The following CDCP2 variants were observed in gnomAD, a reference collection of about 807,000 sequenced individuals.
CDCP2 encodes the protein CUB domain-containing protein 2.
A neutral mutation model predicts 31.0 loss-of-function variants in CDCP2; 31 were observed. The ratio of observed to expected loss-of-function variants is 1.00; its 90% CI spans 0.75 to 1.35. The LOEUF is 1.35. Among genes scored for constraint, CDCP2 ranks in the 40% most tolerant of loss-of-function variants. The pLI is 0.00. For synonymous variants in CDCP2, 206 were observed against 207.9 expected, an observed-to-expected ratio of 0.99 and a Z score of 0.08; for missense variants, 443 against 482.6, an observed-to-expected ratio of 0.92 and a Z score of 0.77.
chr1:54,139,813 G>A, exon 4 of CDCP2: 3 of 1,614,218 alleles, frequency 1.9e-6, no homozygotes, highest in Non-Finnish European at 2.5e-6. Flanking sequence ...TGCAGCAGAA[G>A]CAGAAGCTGG....
At chr1:54,146,819 C>A (rs753638478) in intron 1 of CDCP2, among the ~76,000 whole-genome samples, 4 of 151,652 alleles carry the variant, frequency 2.6e-5, no homozygotes, top group Admixed American at 1.3e-4. Flanking sequence ...CCTGGCCAGG[C>A]GCAGTGGCTC....
chr1:54,143,525 G>C (rs1464882391), intron 2 of CDCP2: 1 of 151,762 alleles, frequency 6.6e-6, no homozygotes, highest in African/African-American at 2.4e-5. Context: ...ATGGTATTAA[G>C]ACTTTGATAT....
At chr1:54,141,416 G>C in exon 3 of CDCP2, 1 of 1,608,524 alleles carries the variant, frequency 6.2e-7, no homozygotes, top group Non-Finnish European at 8.5e-7. Flanking sequence ...AGGCCAGTCA[G>C]GACGCCGCCA....
At chr1:54,148,682 C>A (rs899935101) in intron 1 of CDCP2, among the ~76,000 whole-genome samples, 5 of 151,378 alleles carry the variant, frequency 3.3e-5, no homozygotes, top group African/African-American at 9.8e-5. Context: ...AGATAAATGA[C>A]GCTGGGGCTT....
exon 3 of CDCP2, chr1:54,141,399 C>A (rs1570063556): frequency 6.2e-7 from 1 of 1,612,336 alleles, no homozygotes. Context: ...TGGTGAGGAC[C>A]CCTGACAGGC....
At chr1:54,149,933 T>C (rs1223603683) in intron 1 of CDCP2, among the ~76,000 whole-genome samples, 1 of 152,220 alleles carries the variant, frequency 6.6e-6, no homozygotes, top group Non-Finnish European at 1.5e-5. Context: ...GAAAGGGAAG[T>C]CACTTGTTGT....
exon 2 of CDCP2, chr1:54,144,642 C>T (rs1315264980): frequency 6.2e-7 from 1 of 1,613,382 alleles, no homozygotes; most frequent in East Asian, 2.2e-5. Context: ...AAAGTCGAAG[C>T]TGCAGGTGTC....
chr1:54,140,939 T>C (rs771737924), intron 3 of CDCP2, 159 bp downstream of exon 3: 12 of 535,898 alleles, frequency 2.2e-5, no homozygotes, highest in South Asian at 5.2e-5. Context: ...GCTTATGTCT[T>C]GGCATAGGCC....
chr1:54,137,692 T>TGTGTGTGTGTGTGTGTGTGTGC (rs60839953), intron 4 of CDCP2: 27,036 of 145,966 alleles, frequency 0.19, 2,740 homozygotes, highest in East Asian at 0.31. Context: ...TGCGTGTGTG[T>TGTGTGTGTGTGTGTGTGTGTGC]GTGTGTGTGT....
chr1:54,150,421 C>A (rs1023685291), intron 1 of CDCP2, among the ~76,000 whole-genome samples: 5 of 152,010 alleles, frequency 3.3e-5, no homozygotes, highest in Non-Finnish European at 7.4e-5. Context: ...ATGGTGAAGC[C>A]CTGTCTCTAC....
chr1:54,148,416 A>AG (rs1312885447), intron 1 of CDCP2, among the ~76,000 whole-genome samples: 1 of 151,550 alleles, frequency 6.6e-6, no homozygotes, highest in Non-Finnish European at 1.5e-5. Context: ...TGAAAAAAAA[A>AG]AAACTGAAAA....
chr1:54,133,159 A>C, exon 6 of CDCP2: 1 of 399,120 alleles, frequency 2.5e-6, no homozygotes, highest in African/African-American at 2.1e-5. Context: ...AGCCAGTGAG[A>C]GCCAGACAGC....
chr1:54,146,011 T>C (rs905998207), intron 1 of CDCP2, among the ~76,000 whole-genome samples: 1 of 152,170 alleles, frequency 6.6e-6, no homozygotes, highest in Non-Finnish European at 1.5e-5. Context: ...TAGTGGGATA[T>C]ATCTCAAGGA....
chr1:54,152,461 C>A (rs1355707493), intron 1 of CDCP2, among the ~76,000 whole-genome samples: 52 of 143,022 alleles, frequency 3.6e-4, no homozygotes, highest in South Asian at 4.5e-4. Flanking sequence ...AAGACTGTCT[C>A]AAAAAAAAAA....
rs1180707361 is a variant in CDCP2, at chr1:54,139,733, A to C, written c.1117+20T>G. The C allele has an allele frequency of 6.2e-7, 1 of 1,614,052 alleles. No homozygotes were observed. The highest frequency in any genetic ancestry group is 1.3e-5 in the African/African-American group (1 of 75,002). ...CCTCCCCTTCGCCCTCAGTGGACCC[A>C]CTCCCACAGCCCAGCTGACCTCCGA... On this transcript the variant is annotated intron_variant, in intron 4 of 5. Coordinates refer to ENST00000530059, the Ensembl canonical transcript of CDCP2.
At chr1:54,132,871 A>G, downstream of CDCP2, 1 of 397,678 alleles carries the variant, frequency 2.5e-6, no homozygotes, top group Non-Finnish European at 4.4e-6. Flanking sequence ...ATGACCTGCC[A>G]ATGGTCACCA....
At chr1:54,145,293 G>A (rs1322183629) in intron 1 of CDCP2, among the ~76,000 whole-genome samples, 2 of 152,144 alleles carry the variant, frequency 1.3e-5, no homozygotes, top group Non-Finnish European at 2.9e-5. Context: ...AGGCGTGGTG[G>A]TGCGCGCCTG....
chr1:54,133,134 G>C (rs1039427187), exon 6 of CDCP2: 2 of 399,020 alleles, frequency 5.0e-6, no homozygotes, highest in African/African-American at 4.1e-5. Context: ...CTCCGCAGTG[G>C]CAGCATAGGG....
chr1:54,144,707 C>T (rs776741565), exon 2 of CDCP2: 2 of 1,614,252 alleles, frequency 1.2e-6, no homozygotes, highest in South Asian at 1.1e-5. Flanking sequence ...ATCCCTCGGC[C>T]ACCACGATCA....
Sources: gnomAD v4.1 joint callset for allele counts (sites outside exome capture counted in the v4.1 genomes callset) on GRCh38, gnomAD v4.1.1 for gene constraint, MANE v1.5 for transcripts, NCBI Gene and HGNC (gene_info 2026-07-23, HGNC 2026-07-21) for gene names.